The following RSBN1 variants were observed in gnomAD, a reference collection of about 807,000 sequenced individuals.
RSBN1 encodes lysine-specific demethylase 9.
RSBN1 carries 23 observed loss-of-function variants against 74.8 expected under a neutral mutation model. The ratio of observed to expected loss-of-function variants is 0.31; its 90% CI spans 0.22 to 0.44. RSBN1 has a LOEUF of 0.44. Ranked by LOEUF, RSBN1 falls within the 20% of genes least tolerant of loss-of-function variation. RSBN1 has a pLI of 1.00. For synonymous variants in RSBN1, 407 were observed against 379.6 expected (o/e 1.07, Z -0.84); for missense variants, 808 against 1,020.9 (o/e 0.79, Z 2.84).
intron 4 of RSBN1, 58 bp downstream of exon 4, chr1:113,777,152 T>A: frequency 1.3e-6 from 2 of 1,509,436 alleles, no homozygotes; most frequent in Non-Finnish European, 1.8e-6. Context: ...TGCTCATTTT[T>A]ATAAGCAACC....
rs895758311 is a variant in RSBN1, at chr1:113,764,837, A to C, written c.*1143T>G. The C allele has an allele frequency of 6.6e-6, 1 of 151,932 alleles. No individual in the cohort carries two copies. The highest frequency in any genetic ancestry group is 2.4e-5 in the African/African-American group (1 of 41,396). 9.4% of individuals were successfully genotyped at this position (151,932 alleles called of 1,614,324 possible). A position where few individuals can be genotyped will look rare whatever the true frequency, so the allele number is the denominator to read the frequency against. Reference sequence around the variant, plus strand: ...CATTCTAAAATAACAGAAAGTTAGGACCATACTAGCAATGTGAACTGTGCC... The same window carrying C: ...CATTCTAAAATAACAGAAAGTTAGGCCCATACTAGCAATGTGAACTGTGCC... On this transcript the variant is annotated 3_prime_UTR_variant, in exon 7 of 7. Transcript: ENST00000261441.
intron 1 of RSBN1, among the ~76,000 whole-genome samples, chr1:113,804,955 A>G (rs1436291053): frequency 6.6e-6 from 1 of 151,956 alleles, no homozygotes; most frequent in African/African-American, 2.4e-5. Context: ...ACAAGAGCAT[A>G]CATATGAGCA....
At chr1:113,773,593 G>A (rs561570945) in intron 4 of RSBN1, among the ~76,000 whole-genome samples, 1 of 152,322 alleles carries the variant, frequency 6.6e-6, no homozygotes, top group South Asian at 2.1e-4. Context: ...TAAAATGTTA[G>A]TGGAGAGTAT....
intron 2 of RSBN1, among the ~76,000 whole-genome samples, chr1:113,794,923 T>C (rs1450797824): frequency 6.6e-6 from 1 of 152,212 alleles, no homozygotes; most frequent in Non-Finnish European, 1.5e-5. Context: ...TATGGCTACA[T>C]ATTTAAACTA....
intron 2 of RSBN1, among the ~76,000 whole-genome samples, chr1:113,782,833 A>G (rs932670734): frequency 3.9e-5 from 6 of 152,234 alleles, no homozygotes; most frequent in Admixed American, 3.9e-4. Context: ...GTTAACAGCC[A>G]GAACTGGGGT....
intron 1 of RSBN1, among the ~76,000 whole-genome samples, chr1:113,803,826 G>A (rs1660639768): frequency 6.6e-6 from 1 of 151,700 alleles, no homozygotes; most frequent in Non-Finnish European, 1.5e-5. Context: ...TAATAGGCCA[G>A]GTACAGTGCC....
chr1:113,778,687 C>T (rs1264838984), intron 2 of RSBN1, among the ~76,000 whole-genome samples: 2 of 152,174 alleles, frequency 1.3e-5, no homozygotes, highest in African/African-American at 2.4e-5. Flanking sequence ...GGAATGTCCT[C>T]TTTTCTGTCA....
chr1:113,767,638 T>C (rs550006887), intron 5 of RSBN1, among the ~76,000 whole-genome samples: 12 of 152,252 alleles, frequency 7.9e-5, no homozygotes, highest in African/African-American at 2.2e-4. Flanking sequence ...GCCAAAATAA[T>C]TGAATGCAGG....
Position 113,777,161 on chromosome 1 carries a change from C to T in RSBN1, c.1658+49G>A, listed in dbSNP as rs371640836. 3.2e-6 allele frequency: 5 copies of T among 1,552,032 alleles called. No homozygotes were observed. The African/African-American group carries it at 6.8e-5, about 21-fold the overall frequency. On this transcript the variant is annotated intron_variant, in intron 4 of 6. Coordinates refer to ENST00000261441, the MANE Select transcript of RSBN1 (RefSeq NM_018364.5). ...AAACTGTGCTCATTTTTATAAGCAA[C>T]CAACTAAAAAAAAGTAGTTTTGCTT... is the stretch of plus-strand genomic sequence containing the variant.
chr1:113,799,141 T>TATC (rs1337572872), intron 1 of RSBN1, among the ~76,000 whole-genome samples: 1 of 152,232 alleles, frequency 6.6e-6, no homozygotes, highest in Non-Finnish European at 1.5e-5. Flanking sequence ...CATTAATTCA[T>TATC]CCAAACATTT....
At chr1:113,797,315 C>A (rs573569221) in intron 2 of RSBN1, 48 bp downstream of exon 2, 47 of 1,435,712 alleles carry the variant, frequency 3.3e-5, no homozygotes, top group Non-Finnish European at 4.2e-5. Context: ...GAGGTTAATT[C>A]TGTTTAGAAT....
intron 4 of RSBN1, among the ~76,000 whole-genome samples, chr1:113,775,936 A>G (rs946701116): frequency 6.6e-6 from 1 of 152,196 alleles, no homozygotes; most frequent in Admixed American, 6.5e-5. Context: ...CTCAAGTATC[A>G]TTCTCCTATG....
At chr1:113,768,037 A>G (rs1444208307) in intron 5 of RSBN1, 185 bp downstream of exon 5, 1 of 459,078 alleles carries the variant, frequency 2.2e-6, no homozygotes. Flanking sequence ...AAGGTTCTGG[A>G]GCTCTGTTTC....
At position 113,812,386 on chromosome 1, in the gene RSBN1, G is replaced by T. The variant is rs754706598; in HGVS notation, c.27C>A (p.Ala9=). 1.2e-6 allele frequency: 2 copies of T among 1,601,424 alleles called. No individual in the cohort carries two copies. The highest frequency in any genetic ancestry group is 1.7e-6 in the Non-Finnish European group (2 of 1,178,940). The change falls in exon 1 of 7, where the codon GCC becomes GCA. Residue 9 remains alanine (A), a synonymous_variant. Coordinates refer to ENST00000261441, the MANE Select transcript of RSBN1 (RefSeq NM_018364.5). Reference sequence around the variant, plus strand: ...GTCTCTCCTCCGCCCTCCACTTGTCGGCCGTTCTTCGTCCAGAGATGAACA... The same window carrying T: ...GTCTCTCCTCCGCCCTCCACTTGTCTGCCGTTCTTCGTCCAGAGATGAACA... MFISGRRT[A]DKWRAEERLQ...
At chr1:113,768,577 T>C (rs1228751635) in intron 4 of RSBN1, among the ~76,000 whole-genome samples, 188 bp from the exon 5 acceptor site, 1 of 152,200 alleles carries the variant, frequency 6.6e-6, no homozygotes, top group East Asian at 1.9e-4. Context: ...TTAATGTAAT[T>C]ACCTTCCTCT....
chr1:113,812,128 C>G lies in RSBN1; in HGVS notation c.285G>C (p.Gly95=). ...VKRQRRSSSG[G]SQEKRGRPSQ... ...TCGGCCGCCCCCGCTTCTCCTGAGA[C>G]CCCCCACTGCTAGATCGGCGCTGCC... is the stretch of plus-strand genomic sequence containing the variant. The change falls in exon 1 of 7, where the codon GGG becomes GGC. Residue 95 remains glycine (G), a synonymous_variant. Transcript: ENST00000261441. 3.1e-6 allele frequency: 5 copies of G among 1,607,538 alleles called. No individual in the cohort carries two copies. Among genetic ancestry groups the G allele is most frequent in the Non-Finnish European group, 4.2e-6 (5 of 1,178,412 alleles).
rs549532076 is a variant in RSBN1, at chr1:113,787,280, A to T, written c.1378-9472T>A. The stretch of plus-strand genomic sequence containing the variant: ...TGATTTTTTTCTATTCCTTGTCAAA[A>T]TCCCACTCAAGTGAGAATAAAATAT... On this transcript the variant is annotated intron_variant, in intron 2 of 6. Coordinates refer to ENST00000261441, the MANE Select transcript of RSBN1 (RefSeq NM_018364.5). Among the ~76,000 whole-genome samples, 7 of 152,304 alleles carry T rather than the reference A, an allele frequency of 4.6e-5. No individual in the cohort carries two copies. In the South Asian group the frequency reaches 1.4e-3, roughly 32 times the overall value.
chr1:113,806,533 A>G (rs1252563153), intron 1 of RSBN1, among the ~76,000 whole-genome samples: 1 of 152,160 alleles, frequency 6.6e-6, no homozygotes, highest in Non-Finnish European at 1.5e-5. Context: ...ATTAAAATAC[A>G]AAAGTTAAAA....
rs1220336562 is a variant in RSBN1, at chr1:113,811,833, G to A, written c.580C>T (p.His194Tyr). The change falls in exon 1 of 7, where the codon CAC becomes TAC. Residue 194 changes from histidine to tyrosine, a missense_variant. His to Tyr is a moderately conservative substitution (Grantham distance 83, BLOSUM62 2). This residue lies in a region of RSBN1 where 464 missense variants were observed against 401.0 expected (regional missense o/e 1.16). Transcript: ENST00000261441. Reference protein sequence around the residue: ...KHKGHKERHKHHHHRGPDGDP... With the variant: ...KHKGHKERHKYHHHRGPDGDP... ...CCATCGGGGCCGCGGTGGTGATGGT[G>A]CTTGTGCCGCTCCTTGTGGCCCTTA... 1 of 1,613,758 alleles carries A rather than the reference G, an allele frequency of 6.2e-7. No homozygotes were observed. Among genetic ancestry groups the A allele is most frequent in the Non-Finnish European group, 8.5e-7 (1 of 1,179,966 alleles).
Sources: gnomAD v4.1 joint callset for allele counts (sites outside exome capture counted in the v4.1 genomes callset) on GRCh38, gnomAD v4.1.1 for gene constraint, gnomAD v4.1.1 regional missense constraint, MANE v1.5 for transcripts, NCBI Gene and HGNC (gene_info 2026-07-23, HGNC 2026-07-21) for gene names.